Variants in F5 observed in about 807,000 individuals in gnomAD.
F5 encodes the protein activated protein c cofactor.
F5 carries 138 observed loss-of-function variants against 216.4 expected under a neutral mutation model. The observed-to-expected ratio is 0.64, with a 90% confidence interval of 0.56 to 0.73. F5 has a LOEUF of 0.73. F5 is among the 30% of genes least tolerant of loss of function. F5 has a pLI of 0.00. For missense variants in F5, 2,403 were observed against 2,674.0 expected, an observed-to-expected ratio of 0.90 and a Z score of 2.24; for synonymous variants, 916 against 930.7, an observed-to-expected ratio of 0.98 and a Z score of 0.29.
intron 14 of F5, among the ~76,000 whole-genome samples, chr1:169,532,982 A>G (rs1191944657): frequency 6.6e-6 from 1 of 152,210 alleles, no homozygotes; most frequent in Admixed American, 6.5e-5. Context: ...AAACTATACT[A>G]TAAAGTTACA....
intron 21 of F5, among the ~76,000 whole-genome samples, chr1:169,520,905 A>C (rs904583082): frequency 6.6e-6 from 1 of 152,180 alleles, no homozygotes; most frequent in Non-Finnish European, 1.5e-5. Flanking sequence ...TCAGAGAAAC[A>C]TAAGACCCTG....
chr1:169,542,116 G>A lies in F5; in HGVS notation c.2974C>T (p.Pro992Ser). ...WGESTPLANKPGKQSGHPKFP... is the reference protein window; with the variant it reads ...WGESTPLANKSGKQSGHPKFP... ...TTTGGGTGGCCACTCTGCTTTCCAG[G>A]CTTGTTGGCAAGAGGGGTGCTTTCT... Residue 992 changes from proline to serine, a missense_variant, in exon 13 of 25, where the codon CCT (proline) becomes TCT (serine). Pro to Ser is a moderately conservative substitution (Grantham distance 74). This residue lies in a region of F5 where 1,425 missense variants were observed against 1,554.8 expected (regional missense o/e 0.92). Transcript: ENST00000367797. 1 of 1,614,008 alleles carries A rather than the reference G, an allele frequency of 6.2e-7. No individual in the cohort carries two copies. The highest frequency in any genetic ancestry group is 8.5e-7 in the Non-Finnish European group (1 of 1,179,992).
chr1:169,519,119 C>T (rs1168120364), intron 22 of F5, among the ~76,000 whole-genome samples: 2 of 152,214 alleles, frequency 1.3e-5, no homozygotes, highest in East Asian at 1.9e-4. Context: ...CAAGGCAGAC[C>T]TGTGACTGTA....
rs41272457 is a variant in F5, at chr1:169,542,165, G to C, written c.2925C>G (p.Pro975=). 1.2e-6 allele frequency: 2 copies of C among 1,614,024 alleles called. No homozygotes were observed. Among genetic ancestry groups the C allele is most frequent in the Non-Finnish European group, 1.7e-6 (2 of 1,179,978 alleles). ...DTAVNNWLIS[P]QNASRAWGES... ...CTCCCCAAGCACGTGAGGCATTCTG[G>C]GGGCTGATCAGCCAATTGTTAACAG... The change falls in exon 13 of 25, where the codon CCC becomes CCG. Residue 975 remains proline, a synonymous_variant. Coordinates refer to ENST00000367797, the MANE Select transcript of F5 (RefSeq NM_000130.5).
chr1:169,524,954 T>C (rs1659403590), intron 18 of F5, 46 bp from the exon 19 acceptor site: 2 of 1,456,128 alleles, frequency 1.4e-6, no homozygotes, highest in African/African-American at 1.4e-5. Flanking sequence ...TTAGAAAATA[T>C]ATACAATAAA....
In F5 at chr1:169,541,932, C is replaced by G. The variant is rs1196507883; in HGVS notation, c.3158G>C (p.Ser1053Thr). The stretch of plus-strand genomic sequence containing the variant: ...TTCTGAAAATGTGTTGTAGGCTTCA[C>G]TTCTTAGAGGGTGAAAGGTCCTCGG... The part of the protein sequence containing the change: ...LSPRTFHPLR[S>T]EAYNTFSERR... The change falls in exon 13 of 25, where the codon AGT (serine) becomes ACT (threonine). Residue 1053 changes from serine (S) to threonine (T), a missense_variant. Ser to Thr is a moderately conservative substitution (Grantham distance 58). Around this residue, in one of 4 missense-constraint regions of F5, gnomAD observed 1,425 missense variants for 1,554.8 expected, o/e 0.92. Coordinates refer to ENST00000367797, the MANE Select transcript of F5 (RefSeq NM_000130.5). 3.1e-6 allele frequency: 5 copies of G among 1,614,006 alleles called. No individual in the cohort carries two copies. The African/African-American group carries it at 6.7e-5, about 22-fold the overall frequency.
chr1:169,560,450 G>C, intron 4 of F5, 104 bp downstream of exon 4: 1 of 1,063,568 alleles, frequency 9.4e-7, no homozygotes, highest in Non-Finnish European at 1.4e-6. Context: ...TCCTCTGCTT[G>C]ATGTACAAGA....
intron 1 of F5, among the ~76,000 whole-genome samples, chr1:169,584,648 G>A (rs962607832): frequency 3.3e-5 from 5 of 152,194 alleles, no homozygotes; most frequent in African/African-American, 1.2e-4. Context: ...TTCACCTAGT[G>A]AGTATCATAG....
Position 169,546,656 on chromosome 1 carries a change from G to C in F5, c.1612-64C>G. The C allele has an allele frequency of 2.1e-6, 3 of 1,458,082 alleles. No individual in the cohort carries two copies. In the South Asian group the frequency reaches 3.4e-5, roughly 17 times the overall value. 90.3% of individuals were successfully genotyped at this position (1,458,082 alleles called of 1,614,324 possible). On this transcript the variant is annotated intron_variant, in intron 10 of 24. Coordinates refer to ENST00000367797, the MANE Select transcript of F5 (RefSeq NM_000130.5). The stretch of plus-strand genomic sequence containing the variant: ...ACGCATAGACCAATGGAACAGAATA[G>C]AGAACTCAGAAATAAGGCTGCGCAC...
In F5 at chr1:169,515,454, A is replaced by T; in HGVS notation, c.6518T>A (p.Met2173Lys). 3 of 1,613,282 alleles carry T rather than the reference A, an allele frequency of 1.9e-6. No individual in the cohort carries two copies. In the South Asian group the frequency reaches 3.3e-5, roughly 18 times the overall value. ...EWKPYRLKSS[M>K]VDKIFEGNTN... ...CAGATGCCACTCTACCTTGTCCACC[A>T]TGGAGGATTTCAGCCTGTATGGTTT... is the stretch of plus-strand genomic sequence containing the variant. Residue 2173 changes from methionine to lysine, a missense_variant, in exon 24 of 25, where the codon ATG (methionine) becomes AAG (lysine). By Grantham distance (95) the Met-to-Lys change is moderately conservative (BLOSUM62 -1). Coordinates refer to ENST00000367797, the MANE Select transcript of F5 (RefSeq NM_000130.5).
In F5 at chr1:169,512,788, G is replaced by A. The variant is rs572562882; in HGVS notation, c.*1525C>T. The stretch of plus-strand genomic sequence containing the variant: ...CATAGGGCTTACCCCACTGGTATGG[G>A]CAACAGGTAACTCTGGTAGTTTCTA... On this transcript the variant is annotated 3_prime_UTR_variant, in exon 25 of 25. Transcript: ENST00000367797. Among the ~76,000 whole-genome samples, 1 of 152,170 alleles carries A rather than the reference G, an allele frequency of 6.6e-6. No homozygotes were observed. Among genetic ancestry groups the A allele is most frequent in the African/African-American group, 2.4e-5 (1 of 41,544 alleles).
At chr1:169,545,038 A>G (rs1012274797) in intron 11 of F5, among the ~76,000 whole-genome samples, 2 of 152,184 alleles carry the variant, frequency 1.3e-5, no homozygotes, top group Admixed American at 6.5e-5. Flanking sequence ...TGTAGGCAAT[A>G]TTTTTATTTA....
chr1:169,575,583 T>C (rs1660826293), intron 2 of F5, among the ~76,000 whole-genome samples: 1 of 152,118 alleles, frequency 6.6e-6, no homozygotes, highest in South Asian at 2.1e-4. Flanking sequence ...ACTGAGATTA[T>C]GATGAGATGA....
intron 5 of F5, 147 bp downstream of exon 5, chr1:169,559,005 TA>T (rs58738850): frequency 0.01 from 6,986 of 682,158 alleles, 1 homozygote; most frequent in Non-Finnish European, 0.013. Flanking sequence ...ATTTCCTGTT[TA>T]AAAAAAAAAA....
At chr1:169,533,465 C>A (rs970200207) in intron 14 of F5, among the ~76,000 whole-genome samples, 1 of 151,982 alleles carries the variant, frequency 6.6e-6, no homozygotes, top group African/African-American at 2.4e-5. Context: ...TGAACAGACA[C>A]AGAATAGAAA....
intron 21 of F5, among the ~76,000 whole-genome samples, chr1:169,521,018 T>C (rs907534188): frequency 3.9e-5 from 6 of 152,068 alleles, no homozygotes; most frequent in African/African-American, 1.4e-4. Context: ...GACTTAGAGA[T>C]GAAGAAGCCG....
chr1:169,565,393 G>T lies in F5; in HGVS notation c.374-4627C>A, dbSNP rs186362712. Among the ~76,000 whole-genome samples, 291 of 152,152 alleles carry T rather than the reference G, an allele frequency of 1.9e-3. 2 individuals are homozygous for T. In the Middle Eastern group the frequency reaches 0.024, roughly 12 times the overall value. On this transcript the variant is annotated intron_variant, in intron 3 of 24. Transcript: ENST00000367797. ...GATTGTATTTGTCTTAGTGTCTCTG[G>T]TGCCTTCCATAGGTACCTAGAGAAG...
chr1:169,563,986 A>G (rs61805771), intron 3 of F5, among the ~76,000 whole-genome samples: 41,509 of 151,926 alleles, frequency 0.27, 6,011 homozygotes, highest in South Asian at 0.36. Flanking sequence ...GTTAACTAGT[A>G]TTGAGTTTTA....
At position 169,572,292 on chromosome 1, in the gene F5, T is replaced by C. The variant is rs1395239078; in HGVS notation, c.302A>G (p.His101Arg). The C allele has an allele frequency of 6.2e-7, 1 of 1,613,288 alleles. No homozygotes were observed. Among genetic ancestry groups the C allele is most frequent in the Non-Finnish European group, 8.5e-7 (1 of 1,179,672 alleles). ...YAEVGDIIKV[H>R]FKNKADKPLS... ...GGGCTTATCTGCCTTATTTTTAAAG[T>C]GAACTTTTATGATGTCTCCGACTTC... The change falls in exon 3 of 25, where the codon CAC (histidine) becomes CGC (arginine). Residue 101 changes from histidine (H) to arginine (R), a missense_variant. Physicochemically the swap from His to Arg is conservative, Grantham distance 29. Transcript: ENST00000367797.
Sources: gnomAD v4.1 joint callset for allele counts (sites outside exome capture counted in the v4.1 genomes callset) on GRCh38, gnomAD v4.1.1 for gene constraint, gnomAD v4.1.1 regional missense constraint, MANE v1.5 for transcripts, NCBI Gene and HGNC (gene_info 2026-07-23, HGNC 2026-07-21) for gene names.